Variants in CCSER1 observed in about 807,000 individuals in gnomAD.
CCSER1 encodes coiled-coil serine rich protein 1, also known as serine-rich coiled-coil domain-containing protein 1.
In CCSER1, 41 loss-of-function variants were observed where a neutral mutation model predicts 82.0. The observed-to-expected ratio is 0.50, with a 90% CI of 0.39 to 0.65. The LOEUF (loss-of-function observed/expected upper bound fraction) is 0.65, where lower values mean the gene tolerates loss of function less well. Ranked by LOEUF, CCSER1 falls within the 30% of genes least tolerant of loss-of-function variation. The pLI is 0.00. For synonymous variants in CCSER1, 414 were observed against 383.9 expected (o/e 1.08, Z -0.92); for missense variants, 1,119 against 1,064.2 (o/e 1.05, Z -0.72).
intron 10 of CCSER1, among the ~76,000 whole-genome samples, chr4:91,465,542 C>CA (rs1275812376): frequency 6.6e-6 from 1 of 151,936 alleles, no homozygotes; most frequent in Non-Finnish European, 1.5e-5. Flanking sequence ...AAAAACCCTT[C>CA]AAAAAATCAG....
intron 4 of CCSER1, among the ~76,000 whole-genome samples, chr4:90,458,417 C>G (rs775919659): frequency 3.3e-4 from 50 of 152,062 alleles, no homozygotes; most frequent in Non-Finnish European, 5.0e-4. Context: ...ACAGTGGCAC[C>G]ATCTTGGCTC....
In CCSER1 at chr4:90,308,763, A is replaced by G. The variant is rs757079649; in HGVS notation, c.479A>G (p.Asp160Gly). 3.1e-6 allele frequency: 5 copies of G among 1,613,704 alleles called. No homozygotes were observed. The African/African-American group carries it at 5.3e-5, about 17-fold the overall frequency. ...CTAAGTTCTGGCAAAAGTGAAGGGG[A>G]TGATTCTGGTTTCACAGAAGACCAA... is the stretch of plus-strand genomic sequence containing the variant. ...NCLSSGKSEG[D>G]DSGFTEDQTR... The change falls in exon 2 of 11, where the codon GAT becomes GGT. Residue 160 changes from aspartate (D) to glycine (G), a missense_variant. By Grantham distance (94) the Asp-to-Gly change is moderately conservative. Coordinates refer to ENST00000509176, the MANE Select transcript of CCSER1 (RefSeq NM_001145065.2).
At chr4:91,427,705 C>T (rs1056939374) in intron 10 of CCSER1, among the ~76,000 whole-genome samples, 22 of 151,950 alleles carry the variant, frequency 1.4e-4, no homozygotes, top group Non-Finnish European at 1.3e-4. Context: ...AAATATTAGC[C>T]ATTATTCTTA....
chr4:90,847,053 A>G (rs534939725), intron 8 of CCSER1, among the ~76,000 whole-genome samples: 1 of 152,270 alleles, frequency 6.6e-6, no homozygotes, highest in East Asian at 1.9e-4. Context: ...TTTGTAGCAT[A>G]CTTTTACATT....
chr4:90,910,164 G>A (rs190558323), intron 8 of CCSER1, among the ~76,000 whole-genome samples: 8 of 152,196 alleles, frequency 5.3e-5, no homozygotes, highest in East Asian at 1.9e-4. Flanking sequence ...ACCACATCTC[G>A]TGAGAACTCA....
intron 9 of CCSER1, among the ~76,000 whole-genome samples, chr4:90,932,828 C>CAA (rs70965459): frequency 0.21 from 5,241 of 24,956 alleles, 1,110 homozygotes; most frequent in Non-Finnish European, 0.26. Flanking sequence ...ACTCCGTCTC[C>CAA]AAAAAAAAAA....
chr4:91,438,606 A>G (rs1474935422), intron 10 of CCSER1, among the ~76,000 whole-genome samples: 1 of 152,236 alleles, frequency 6.6e-6, no homozygotes, highest in African/African-American at 2.4e-5. Context: ...ATAATTCATC[A>G]CCAGCAACGG....
intron 9 of CCSER1, among the ~76,000 whole-genome samples, chr4:90,939,569 G>C (rs1561395802): frequency 6.6e-6 from 1 of 152,172 alleles, no homozygotes; most frequent in Non-Finnish European, 1.5e-5. Flanking sequence ...GTTGTGGTCA[G>C]GGTTCAGGGC....
chr4:91,567,281 G>A (rs1253119955), intron 10 of CCSER1, among the ~76,000 whole-genome samples: 1 of 152,088 alleles, frequency 6.6e-6, no homozygotes, highest in East Asian at 1.9e-4. Context: ...TACATTTGTT[G>A]AGGATTGTTT....
chr4:90,440,170 GT>G (rs902728266), intron 4 of CCSER1, among the ~76,000 whole-genome samples: 1 of 151,532 alleles, frequency 6.6e-6, no homozygotes, highest in Non-Finnish European at 1.5e-5. Flanking sequence ...TGCCTGGCTA[GT>G]TTTTTTTACT....
intron 6 of CCSER1, among the ~76,000 whole-genome samples, chr4:90,711,495 G>C (rs1467786322): frequency 6.6e-6 from 1 of 151,856 alleles, no homozygotes; most frequent in Non-Finnish European, 1.5e-5. Context: ...ATTATTTTGA[G>C]GTATGTTCAT....
At chr4:90,141,840 C>T (rs1468349656) in intron 1 of CCSER1, among the ~76,000 whole-genome samples, 2 of 152,160 alleles carry the variant, frequency 1.3e-5, no homozygotes, top group Non-Finnish European at 2.9e-5. Context: ...AAATAGGATC[C>T]TGAAAGGTAT....
chr4:90,576,990 C>T (rs1373200093), intron 5 of CCSER1, among the ~76,000 whole-genome samples: 4 of 152,100 alleles, frequency 2.6e-5, no homozygotes, highest in Admixed American at 2.0e-4. Context: ...TGCATTCCCA[C>T]TAGCAATGAA....
At chr4:90,300,881 A>G (rs1394247998) in intron 1 of CCSER1, among the ~76,000 whole-genome samples, 1 of 152,152 alleles carries the variant, frequency 6.6e-6, no homozygotes, top group Non-Finnish European at 1.5e-5. Flanking sequence ...GCTGGAGTGC[A>G]ATGGTGCTAT....
chr4:90,395,157 A>G (rs1751768282), intron 3 of CCSER1, among the ~76,000 whole-genome samples: 1 of 152,172 alleles, frequency 6.6e-6, no homozygotes, highest in Non-Finnish European at 1.5e-5. Context: ...TTCCACACCC[A>G]TGTGAGATCA....
Position 91,601,300 on chromosome 4 carries a change from A to G in CCSER1, c.*2243A>G, listed in dbSNP as rs1383275258. ...GAAAAATCTTTTTTAAAGCTGAATC[A>G]TTCAAAAGAAAACCTGGATTAAACA... On this transcript the variant is annotated 3_prime_UTR_variant, in exon 11 of 11. Transcript: ENST00000509176. The G allele has an allele frequency of 6.6e-6, 1 of 152,136 alleles. No individual in the cohort carries two copies. Among genetic ancestry groups the G allele is most frequent in the Non-Finnish European group, 1.5e-5 (1 of 67,972 alleles). The allele number at this position is 152,136 out of a possible 1,614,324, so 9.4% of individuals were successfully genotyped here. A position where few individuals can be genotyped will look rare whatever the true frequency, so the allele number is the denominator to read the frequency against.
intron 9 of CCSER1, among the ~76,000 whole-genome samples, chr4:91,039,182 A>G (rs1741704052): frequency 1.3e-5 from 2 of 150,538 alleles, no homozygotes; most frequent in South Asian, 4.2e-4. Flanking sequence ...ATGTGCCACC[A>G]TGTCCAACTT....
chr4:90,138,020 C>T (rs1724009295), intron 1 of CCSER1, among the ~76,000 whole-genome samples: 1 of 152,124 alleles, frequency 6.6e-6, no homozygotes, highest in Non-Finnish European at 1.5e-5. Context: ...TAATTCACTG[C>T]TTGTTTGTAC....
chr4:91,069,242 T>A (rs1721178919), intron 9 of CCSER1, among the ~76,000 whole-genome samples: 1 of 152,156 alleles, frequency 6.6e-6, no homozygotes, highest in Non-Finnish European at 1.5e-5. Flanking sequence ...AATAGAGATA[T>A]TCAAGATTAC....
Sources: gnomAD v4.1 joint callset for allele counts (sites outside exome capture counted in the v4.1 genomes callset) on GRCh38, gnomAD v4.1.1 for gene constraint, MANE v1.5 for transcripts, NCBI Gene and HGNC (gene_info 2026-07-23, HGNC 2026-07-21) for gene names.